FERMT3: variants seen among roughly 807,000 people sequenced by gnomAD.
FERMT3 encodes the protein fermitin family homolog 3.
A neutral mutation model predicts 80.8 loss-of-function variants in FERMT3; 33 were observed. The ratio of observed to expected loss-of-function variants is 0.41; its 90% CI spans 0.31 to 0.55. The LOEUF (loss-of-function observed/expected upper bound fraction) is 0.55, where lower values mean the gene tolerates loss of function less well. Ranked by LOEUF, FERMT3 falls within the 20% of genes least tolerant of loss-of-function variation. The pLI, the probability that FERMT3 is intolerant of heterozygous loss-of-function variation, is 0.31. For synonymous variants in FERMT3, 375 were observed against 372.2 expected (o/e 1.01, Z -0.09); for missense variants, 754 against 908.7 (o/e 0.83, Z 2.19).
At chr11:64,212,200 G>C (rs1444936620) in intron 6 of FERMT3, among the ~76,000 whole-genome samples, 1 of 152,210 alleles carries the variant, frequency 6.6e-6, no homozygotes, top group East Asian at 1.9e-4. Flanking sequence ...TGGCCCCTCT[G>C]TGCCCTGTTC....
intron 6 of FERMT3, among the ~76,000 whole-genome samples, chr11:64,215,555 C>T (rs1946531938): frequency 6.6e-6 from 1 of 152,028 alleles, no homozygotes; most frequent in Non-Finnish European, 1.5e-5. Context: ...TTTAATAGAA[C>T]CAAATTTATA....
rs770961624 is a variant in FERMT3 at position 64,221,088 on chromosome 11, A to C, written c.1618A>C (p.Ile540Leu). 5 of 1,612,126 alleles carry C rather than the reference A, an allele frequency of 3.1e-6. No homozygotes were observed. The highest frequency in any genetic ancestry group is 1.6e-4 in the Middle Eastern group (1 of 6,084). The stretch of plus-strand genomic sequence containing the variant: ...GCTGGCAGAGGCCCAGCTGCGCTTC[A>C]TCCAGGCCTGGCAGTCCCTGCCCGA... The part of the protein sequence containing the change: ...LSLAEAQLRF[I>L]QAWQSLPDFG... The change falls in exon 13 of 15, where the codon ATC (isoleucine) becomes CTC (leucine). Residue 540 changes from isoleucine (I) to leucine (L), a missense_variant. Coordinates refer to ENST00000345728, the MANE Select transcript of FERMT3 (RefSeq NM_031471.6).
At chr11:64,222,971 C>A in intron 13 of FERMT3, 77 bp from the exon 14 acceptor site, 5 of 1,592,160 alleles carry the variant, frequency 3.1e-6, no homozygotes, top group Non-Finnish European at 4.3e-6. Flanking sequence ...GGCTCTCCAG[C>A]ACGGCGCCAC....
At position 64,221,045 on chromosome 11, in the gene FERMT3, G is replaced by C; in HGVS notation, c.1575G>C (p.Gln525His). ...QLTPRILEAHQNVAQLSLAEA... is the reference protein window; with the variant it reads ...QLTPRILEAHHNVAQLSLAEA... ...CCCCACGGATCCTGGAAGCCCACCA[G>C]AATGTGGCCCAGTTGTCGCTGGCAG... is the stretch of plus-strand genomic sequence containing the variant. Residue 525 changes from glutamine (Q) to histidine (H), a missense_variant, in exon 13 of 15, where the codon CAG becomes CAC. By Grantham distance (24) the Gln-to-His change is conservative. Coordinates refer to ENST00000345728, the MANE Select transcript of FERMT3 (RefSeq NM_031471.6). 6.2e-7 allele frequency: 1 copy of C among 1,612,862 alleles called. No homozygotes were observed. Among genetic ancestry groups the C allele is most frequent in the Non-Finnish European group, 8.5e-7 (1 of 1,180,014 alleles).
chr11:64,216,488 C>T (rs374462291), intron 6 of FERMT3, among the ~76,000 whole-genome samples: 3 of 143,984 alleles, frequency 2.1e-5, no homozygotes, highest in East Asian at 2.3e-4. Flanking sequence ...CGTGAGCCAC[C>T]GGGCCCAGCC....
intron 6 of FERMT3, among the ~76,000 whole-genome samples, chr11:64,215,467 T>G (rs1235804363): frequency 1.3e-5 from 2 of 152,072 alleles, no homozygotes; most frequent in Non-Finnish European, 2.9e-5. Flanking sequence ...ATAAATACAT[T>G]GTGAATATAT....
Position 64,223,731 on chromosome 11 carries a change from G to C in FERMT3, c.*239G>C. ...CATGTGGTGCCCCCTTTCCTTGTCT[G>C]AGTGGCTGAGGCTGATACCCCTGAC... On this transcript the variant is annotated 3_prime_UTR_variant, in exon 15 of 15. Coordinates refer to ENST00000345728, the MANE Select transcript of FERMT3 (RefSeq NM_031471.6). The C allele has an allele frequency of 1.3e-6, 1 of 756,070 alleles. No homozygotes were observed. The highest frequency in any genetic ancestry group is 2.1e-6 in the Non-Finnish European group (1 of 470,204). 46.8% of individuals were successfully genotyped at this position (756,070 alleles called of 1,614,324 possible). A position where few individuals can be genotyped will look rare whatever the true frequency, so the allele number is the denominator to read the frequency against.
upstream of FERMT3, among the ~76,000 whole-genome samples, chr11:64,206,291 T>C (rs1271107294): frequency 2.0e-5 from 3 of 152,204 alleles, no homozygotes; most frequent in African/African-American, 4.8e-5. Flanking sequence ...CCTTGGTTGA[T>C]AGGGATAGCC....
rs138031026 is a variant in FERMT3 at position 64,220,647 on chromosome 11, A to T, written c.1523A>T (p.Gln508Leu). Residue 508 changes from glutamine (Q) to leucine (L), a missense_variant, in exon 12 of 15, where the codon CAG becomes CTG. By Grantham distance (113) the Gln-to-Leu change is moderately radical. Transcript: ENST00000345728. The part of the protein sequence containing the change: ...NPYGLVAPRF[Q>L]RKFKAKQLTP... ...TACGGCCTCGTTGCCCCCCGTTTCC[A>T]GCGAAAGTTCAAGGCCAAGCAGGTA... 11 of 1,611,396 alleles carry T rather than the reference A, an allele frequency of 6.8e-6. No individual in the cohort carries two copies. The South Asian group carries it at 9.9e-5, about 15-fold the overall frequency.
rs11603538 is a variant in FERMT3, at chr11:64,219,241, C to A, written c.787-10C>A. ...AGCCCAGCCTCCAGCCTCCTCTCCC[C>A]CCGCTCCAGACAGACCCCGTGCGGC... On this transcript the variant is annotated splice_polypyrimidine_tract_variant and intron_variant, in intron 6 of 14. Transcript: ENST00000345728. This position sits in a 1 kb window ranked among gnomAD's most constrained non-coding sequence, Gnocchi z 4.0. 544,773 of 1,573,828 alleles carry A rather than the reference C, an allele frequency of 0.35. 95,407 individuals are homozygous for A. Among genetic ancestry groups the A allele is most frequent in the Admixed American group, 0.41 (21,927 of 53,936 alleles).
chr11:64,220,950 G>C (rs1946668202), intron 12 of FERMT3, 66 bp from the exon 13 acceptor site: 1 of 1,585,284 alleles, frequency 6.3e-7, no homozygotes, highest in Admixed American at 1.7e-5. Flanking sequence ...ATGGGGAGGT[G>C]GGGGCTCGGT....
At position 64,210,440 on chromosome 11, in the gene FERMT3, C is replaced by T. The variant is rs1415948280; in HGVS notation, c.161-171C>T. ...CAAATCAGGGGCTGCCTGCAGAGAG[C>T]CCTGCTGCTGTTACCATGGGGTAGA... On this transcript the variant is annotated intron_variant, in intron 2 of 14. Transcript: ENST00000345728. This position sits in a 1 kb window ranked among gnomAD's most constrained non-coding sequence, Gnocchi z 4.3. Among the ~76,000 whole-genome samples, 1 of 152,202 alleles carries T rather than the reference C, an allele frequency of 6.6e-6. No individual in the cohort carries two copies. Among genetic ancestry groups the T allele is most frequent in the Admixed American group, 6.5e-5 (1 of 15,290 alleles).
chr11:64,213,489 G>A (rs1326334344), intron 6 of FERMT3, among the ~76,000 whole-genome samples: 2 of 151,856 alleles, frequency 1.3e-5, no homozygotes, highest in African/African-American at 4.8e-5. Flanking sequence ...CTGACCTCAG[G>A]TGATCCACCC....
intron 11 of FERMT3, 25 bp from the exon 12 acceptor site, chr11:64,220,411 T>C (rs1259592759): frequency 3.1e-6 from 5 of 1,609,564 alleles, no homozygotes; most frequent in African/African-American, 1.3e-5. Context: ...TGGTTAGCAC[T>C]GTCCCCCTCA....
chr11:64,208,576 C>T (rs1946368134), intron 2 of FERMT3, among the ~76,000 whole-genome samples: 1 of 152,234 alleles, frequency 6.6e-6, no homozygotes, highest in Admixed American at 6.5e-5. Flanking sequence ...GGAGCAGCAG[C>T]GGGTGAGACT....
At chr11:64,207,326 T>C in intron 1 of FERMT3, 25 bp from the exon 2 acceptor site, 1 of 1,613,712 alleles carries the variant, frequency 6.2e-7, no homozygotes. Flanking sequence ...CCTGCCCACC[T>C]TGCCTCCTTC....
chr11:64,222,563 CA>C (rs34119299), intron 13 of FERMT3, among the ~76,000 whole-genome samples: 7,886 of 83,476 alleles, frequency 0.094, 159 homozygotes, highest in Middle Eastern at 0.17. Context: ...CACTCCGTCT[CA>C]AAAAAAAAAA....
chr11:64,220,862 C>A, intron 12 of FERMT3, 154 bp from the exon 13 acceptor site: 1 of 1,440,754 alleles, frequency 6.9e-7, no homozygotes, highest in Non-Finnish European at 9.5e-7. Context: ...CACCTTGCAG[C>A]CTGGCGCAGT....
In FERMT3 at chr11:64,220,558, G is replaced by T. The variant is rs368102589; in HGVS notation, c.1434G>T (p.Thr478=). 6.2e-7 allele frequency: 1 copy of T among 1,607,544 alleles called. No individual in the cohort carries two copies. The highest frequency in any genetic ancestry group is 8.5e-7 in the Non-Finnish European group (1 of 1,177,412). ...TGGCCTTCCTCAGCCTGCAGCGCACGGGCAGTGGGGGCCCGGGCAACCACC... is the reference window on the plus strand; with the variant it reads ...TGGCCTTCCTCAGCCTGCAGCGCACTGGCAGTGGGGGCCCGGGCAACCACC... ...AILAFLSLQR[T]GSGGPGNHPH... Residue 478 remains threonine (T), a synonymous_variant, in exon 12 of 15, where the codon ACG becomes ACT. Coordinates refer to ENST00000345728, the MANE Select transcript of FERMT3 (RefSeq NM_031471.6).
Sources: gnomAD v4.1 joint callset for allele counts (sites outside exome capture counted in the v4.1 genomes callset) on GRCh38, gnomAD v4.1.1 for gene constraint, Gnocchi (gnomAD v3.1) non-coding constraint, MANE v1.5 for transcripts, NCBI Gene and HGNC (gene_info 2026-07-23, HGNC 2026-07-21) for gene names.